Variants in CRPPA observed in about 807,000 individuals in gnomAD.
CRPPA encodes D-ribitol-5-phosphate cytidylyltransferase.
In CRPPA, 43 loss-of-function variants were observed where a neutral mutation model predicts 52.0. The observed-to-expected ratio is 0.83, with a 90% CI of 0.65 to 1.07. The LOEUF is 1.07. Ranked by LOEUF, CRPPA falls within the 50% of genes least tolerant of loss-of-function variation. CRPPA has a pLI of 0.00. For synonymous variants in CRPPA, 250 were observed against 203.5 expected (o/e 1.23, Z -1.94); for missense variants, 629 against 551.7 (o/e 1.14, Z -1.40).
chr7:16,196,319 C>G (rs1340300652), intron 9 of CRPPA, among the ~76,000 whole-genome samples: 1 of 152,106 alleles, frequency 6.6e-6, no homozygotes, highest in African/African-American at 2.4e-5. Flanking sequence ...CTTCATGTAG[C>G]TATCCTAAAG....
chr7:16,211,722 C>T (rs1413430603), intron 9 of CRPPA, among the ~76,000 whole-genome samples: 1 of 152,108 alleles, frequency 6.6e-6, no homozygotes, highest in Non-Finnish European at 1.5e-5. Flanking sequence ...GTCAGTGGTA[C>T]CCTATACATT....
At position 16,097,455 on chromosome 7, in the gene CRPPA, C is replaced by T. The variant is rs370172092; in HGVS notation, c.1252-5656G>A. ...TAGAAACTTATATTTAGCTATTTCT[C>T]TACCACCTATAATTTCAAGTTTAGG... On this transcript the variant is annotated intron_variant, in intron 9 of 9. Coordinates refer to ENST00000407010, the MANE Select transcript of CRPPA (RefSeq NM_001101426.4). Among the ~76,000 whole-genome samples the T allele has an allele frequency of 3.0e-3, 457 of 152,240 alleles. 33 individuals are homozygous for T. The South Asian group carries it at 0.092, about 31-fold the overall frequency.
At chr7:16,118,507 T>C (rs576600388) in intron 9 of CRPPA, among the ~76,000 whole-genome samples, 1 of 152,272 alleles carries the variant, frequency 6.6e-6, no homozygotes, top group African/African-American at 2.4e-5. Flanking sequence ...TGACTGCTTG[T>C]CTTTAAAAGA....
At position 16,089,322 on chromosome 7, in the gene CRPPA, A is replaced by G. The variant is rs1293579489; in HGVS notation, c.*2373T>C. ...TACATATATGTGTGTATGCGTACGT[A>G]TATAAATATATGTGTGTATGCGTAC... On this transcript the variant is annotated 3_prime_UTR_variant, in exon 10 of 10. Transcript: ENST00000407010. The G allele has an allele frequency of 2.5e-6, 1 of 396,238 alleles. No individual in the cohort carries two copies. The highest frequency in any genetic ancestry group is 2.5e-5 in the African/African-American group (1 of 39,772). The allele number at this position is 396,238 out of a possible 1,614,324, so 24.5% of individuals were successfully genotyped here.
intron 3 of CRPPA, among the ~76,000 whole-genome samples, chr7:16,319,720 G>A (rs527616298): frequency 2.6e-4 from 40 of 152,284 alleles, no homozygotes; most frequent in African/African-American, 8.7e-4. Flanking sequence ...TTCCTATTCG[G>A]CAGTCAGTAG....
intron 6 of CRPPA, among the ~76,000 whole-genome samples, chr7:16,268,139 A>G (rs1418697973): frequency 6.6e-6 from 1 of 152,108 alleles, no homozygotes; most frequent in African/African-American, 2.4e-5. Context: ...CACTTAAATG[A>G]CATGATTGAT....
In CRPPA at chr7:16,357,209, C is replaced by T. The variant is rs1410941143; in HGVS notation, c.684+18883G>A. Among the ~76,000 whole-genome samples, 4 of 151,626 alleles carry T rather than the reference C, an allele frequency of 2.6e-5. No homozygotes were observed. In the South Asian group the frequency reaches 6.2e-4, roughly 24 times the overall value. On this transcript the variant is annotated intron_variant, in intron 3 of 9. Coordinates refer to ENST00000407010, the MANE Select transcript of CRPPA (RefSeq NM_001101426.4). ...TTTATTTATTTTTGAGACAGAGTCT[C>T]GCTCTACCACCCAGGCTAGAGTGCA...
chr7:16,158,075 G>A (rs1379732268), intron 9 of CRPPA, among the ~76,000 whole-genome samples: 26 of 149,436 alleles, frequency 1.7e-4, no homozygotes, highest in Admixed American at 1.2e-3. Flanking sequence ...TAGTAGAGAC[G>A]GGGTTTCACC....
rs7799150 is a variant in CRPPA at position 16,258,813 on chromosome 7, T to G, written c.1026+107A>C. ...CAAAGATAAAATCTCCAAAAATGTG[T>G]AGAAGAACTCATCATAATATCATAT... is the stretch of plus-strand genomic sequence containing the variant. On this transcript the variant is annotated intron_variant, in intron 7 of 9. Transcript: ENST00000407010. 0.44 allele frequency: 278,131 copies of G among 636,310 alleles called. 62,601 individuals carry two copies. The highest frequency in any genetic ancestry group is 0.54 in the Admixed American group (15,566 of 28,622). The allele number at this position is 636,310 out of a possible 1,614,324, so 39.4% of individuals were successfully genotyped here.
chr7:16,155,468 TG>T (rs1370021056), intron 9 of CRPPA, among the ~76,000 whole-genome samples: 2 of 152,192 alleles, frequency 1.3e-5, no homozygotes, highest in African/African-American at 4.8e-5. Context: ...TCGCCTCTCT[TG>T]CCTCCCTTCT....
At chr7:16,313,539 C>A (rs112536554) in intron 3 of CRPPA, among the ~76,000 whole-genome samples, 3 of 152,042 alleles carry the variant, frequency 2.0e-5, no homozygotes, top group African/African-American at 7.2e-5. Context: ...TCAATTTCAT[C>A]TATTTCTGCT....
At chr7:16,240,497 C>T (rs1268989129) in intron 8 of CRPPA, among the ~76,000 whole-genome samples, 1 of 151,078 alleles carries the variant, frequency 6.6e-6, no homozygotes, top group Non-Finnish European at 1.5e-5. Flanking sequence ...GCTACAGTAG[C>T]AATAAGGTTG....
intron 9 of CRPPA, among the ~76,000 whole-genome samples, chr7:16,207,627 A>C (rs1334502991): frequency 6.6e-6 from 1 of 152,252 alleles, no homozygotes; most frequent in Admixed American, 6.5e-5. Flanking sequence ...ATTTCAATGC[A>C]CTAAAATAAT....
At chr7:16,410,163 G>C (rs936220237) in intron 1 of CRPPA, among the ~76,000 whole-genome samples, 1 of 152,180 alleles carries the variant, frequency 6.6e-6, no homozygotes, top group East Asian at 1.9e-4. Flanking sequence ...AGGTCCTAAG[G>C]CTCCTTGAGA....
At chr7:16,176,831 G>C (rs1212657038) in intron 9 of CRPPA, among the ~76,000 whole-genome samples, 1 of 152,046 alleles carries the variant, frequency 6.6e-6, no homozygotes, top group Non-Finnish European at 1.5e-5. Flanking sequence ...GGAAACATAT[G>C]ATCATATAAA....
chr7:16,120,793 T>C (rs932370997), intron 9 of CRPPA, among the ~76,000 whole-genome samples: 8 of 152,112 alleles, frequency 5.3e-5, no homozygotes, highest in Non-Finnish European at 8.8e-5. Flanking sequence ...TATAAAGAGA[T>C]AGACAATTGT....
chr7:16,229,879 A>T (rs1333720484), intron 8 of CRPPA, among the ~76,000 whole-genome samples: 2 of 151,862 alleles, frequency 1.3e-5, no homozygotes, highest in African/African-American at 4.8e-5. Flanking sequence ...TCTTTTCTTC[A>T]TTTCTGAAGG....
At chr7:16,191,661 G>A (rs1781613829) in intron 9 of CRPPA, among the ~76,000 whole-genome samples, 1 of 152,112 alleles carries the variant, frequency 6.6e-6, no homozygotes, top group Admixed American at 6.6e-5. Flanking sequence ...GGACTTTGAG[G>A]CTTTGTACCG....
chr7:16,336,523 C>T lies in CRPPA; in HGVS notation c.685-27896G>A, dbSNP rs145911453. On this transcript the variant is annotated intron_variant, in intron 3 of 9. Transcript: ENST00000407010. ...AAAAGAAAGTATCAAAGCATACCAC[C>T]ACAAAAAACTTCATAAAACCACAAA... Among the ~76,000 whole-genome samples, 21 of 147,366 alleles carry T rather than the reference C, an allele frequency of 1.4e-4. No homozygotes were observed. In the East Asian group the frequency reaches 3.0e-3, roughly 21 times the overall value.
Sources: allele counts gnomAD v4.1 joint callset (sites outside exome capture counted in the v4.1 genomes callset), GRCh38; gene constraint gnomAD v4.1.1; transcripts MANE v1.5; gene names NCBI Gene and HGNC (gene_info 2026-07-23, HGNC 2026-07-21).